Variants in NCAM2 observed in about 807,000 individuals in gnomAD.
NCAM2 encodes neural cell adhesion molecule 2.
Under a neutral mutation model 98.1 loss-of-function variants are expected in NCAM2, and 30 were observed. The observed-to-expected ratio is 0.31, with a 90% CI of 0.23 to 0.41. NCAM2 has a LOEUF of 0.41. Ranked by LOEUF, NCAM2 falls within the 10% of genes least tolerant of loss-of-function variation. NCAM2 has a pLI of 1.00. For missense variants in NCAM2, 867 were observed against 1,005.8 expected, an observed-to-expected ratio of 0.86 and a Z score of 1.87; for synonymous variants, 368 against 342.4, an observed-to-expected ratio of 1.07 and a Z score of -0.83.
intron 1 of NCAM2, among the ~76,000 whole-genome samples, chr21:21,215,498 C>T (rs886654824): frequency 3.9e-5 from 6 of 152,018 alleles, no homozygotes; most frequent in East Asian, 1.9e-4. Context: ...GTGGGCAAAT[C>T]TCTTGAGGTC....
chr21:21,495,934 T>G (rs953330885), intron 15 of NCAM2, among the ~76,000 whole-genome samples: 4 of 151,008 alleles, frequency 2.6e-5, no homozygotes, highest in African/African-American at 9.7e-5. Context: ...CACTGCATAT[T>G]AATTTCTAAA....
intron 1 of NCAM2, among the ~76,000 whole-genome samples, chr21:21,152,169 T>G (rs2067467973): frequency 6.6e-6 from 1 of 152,150 alleles, no homozygotes; most frequent in African/African-American, 2.4e-5. Context: ...GTTTGGATAA[T>G]TTTAATTGTG....
chr21:21,270,911 T>C (rs1231437613), intron 1 of NCAM2, among the ~76,000 whole-genome samples: 1 of 152,148 alleles, frequency 6.6e-6, no homozygotes, highest in Non-Finnish European at 1.5e-5. Context: ...TCTCTGCACT[T>C]TTTAAAACAG....
At chr21:21,386,582 T>G (rs565786135) in intron 9 of NCAM2, among the ~76,000 whole-genome samples, 4 of 152,300 alleles carry the variant, frequency 2.6e-5, no homozygotes, top group South Asian at 4.1e-4. Flanking sequence ...AGTCTTTTAT[T>G]GTTAAGCTGT....
At chr21:21,381,696 A>C in intron 9 of NCAM2, among the ~76,000 whole-genome samples, 1 of 152,266 alleles carries the variant, frequency 6.6e-6, no homozygotes, top group African/African-American at 2.4e-5. Context: ...ATTACATCTC[A>C]AATCATTAAA....
chr21:21,409,441 T>C (rs912971122), intron 9 of NCAM2, among the ~76,000 whole-genome samples: 3 of 152,196 alleles, frequency 2.0e-5, no homozygotes, highest in Non-Finnish European at 4.4e-5. Flanking sequence ...ATGGGAAATA[T>C]GGATACTTTA....
chr21:21,044,166 A>C (rs2064963808), intron 1 of NCAM2, among the ~76,000 whole-genome samples: 2 of 152,340 alleles, frequency 1.3e-5, no homozygotes, highest in Middle Eastern at 3.4e-3. Context: ...TATGTATTTC[A>C]TAGCTTTGAA....
chr21:21,220,237 G>T (rs2070089373), intron 1 of NCAM2, among the ~76,000 whole-genome samples: 1 of 152,090 alleles, frequency 6.6e-6, no homozygotes. Context: ...CATTCATTCA[G>T]TCACCCTCAG....
At chr21:21,088,936 A>C (rs2065957874) in intron 1 of NCAM2, among the ~76,000 whole-genome samples, 3 of 150,664 alleles carry the variant, frequency 2.0e-5, no homozygotes, top group Admixed American at 1.3e-4. Flanking sequence ...GCGCCACTGC[A>C]CTCCAGCCTG....
At chr21:21,307,316 C>G (rs7279496) in intron 5 of NCAM2, among the ~76,000 whole-genome samples, 1 of 152,152 alleles carries the variant, frequency 6.6e-6, no homozygotes, top group African/African-American at 2.4e-5. Context: ...TTTTCAAATG[C>G]TGTTGCACTA....
At chr21:21,329,603 A>G (rs963521709) in intron 6 of NCAM2, among the ~76,000 whole-genome samples, 1 of 152,142 alleles carries the variant, frequency 6.6e-6, no homozygotes, top group African/African-American at 2.4e-5. Flanking sequence ...TTTTATATTC[A>G]TGGTTATGAG....
chr21:21,522,632 C>CTTTTTTTTTTTTTTTTTTTTTTTTT (rs61635255), intron 16 of NCAM2, among the ~76,000 whole-genome samples: 3 of 124,748 alleles, frequency 2.4e-5, no homozygotes, highest in Admixed American at 1.8e-4. Context: ...TTTTCTTTTT[C>CTTTTTTTTTTTTTTTTTTTTTTTTT]TTTTTTTTTT....
At chr21:21,225,262 C>T (rs78139844) in intron 1 of NCAM2, among the ~76,000 whole-genome samples, 6 of 151,690 alleles carry the variant, frequency 4.0e-5, no homozygotes, top group Admixed American at 1.3e-4. Context: ...GTCAGGGGGT[C>T]GGGAGGGAGA....
At chr21:21,143,420 C>G (rs1205765846) in intron 1 of NCAM2, among the ~76,000 whole-genome samples, 1 of 152,030 alleles carries the variant, frequency 6.6e-6, no homozygotes, top group East Asian at 1.9e-4. Flanking sequence ...GTGTCCTTTG[C>G]CCTGTGAATT....
intron 8 of NCAM2, among the ~76,000 whole-genome samples, chr21:21,343,395 A>ACACACACACACAC (rs1568957074): frequency 1.2e-4 from 17 of 145,968 alleles, no homozygotes; most frequent in African/African-American, 3.9e-4. Flanking sequence ...ACACACACAC[A>ACACACACACACAC]ATCTTCATGA....
chr21:21,141,387 G>C (rs1365349671), intron 1 of NCAM2, among the ~76,000 whole-genome samples: 2 of 152,066 alleles, frequency 1.3e-5, no homozygotes, highest in Non-Finnish European at 2.9e-5. Context: ...AAATGGTTCT[G>C]TTTTAATGCC....
At chr21:21,449,603 T>A (rs773637278) in intron 12 of NCAM2, among the ~76,000 whole-genome samples, 1 of 151,996 alleles carries the variant, frequency 6.6e-6, no homozygotes. Context: ...TGCCAACATA[T>A]ACTATTGTAT....
chr21:21,024,857 A>G (rs2064510336), intron 1 of NCAM2, among the ~76,000 whole-genome samples: 2 of 151,980 alleles, frequency 1.3e-5, no homozygotes, highest in South Asian at 2.1e-4. Context: ...ACTTCACTCC[A>G]GCCTGGGCCA....
intron 6 of NCAM2, among the ~76,000 whole-genome samples, chr21:21,331,684 G>A (rs2074713030): frequency 7.3e-6 from 1 of 137,692 alleles, no homozygotes; most frequent in African/African-American, 2.8e-5. Context: ...CTACCTCCCT[G>A]GTTCAGGCAA....
Sources: allele counts gnomAD v4.1 joint callset (sites outside exome capture counted in the v4.1 genomes callset), GRCh38; gene constraint gnomAD v4.1.1; transcripts MANE v1.5; gene names NCBI Gene and HGNC (gene_info 2026-07-23, HGNC 2026-07-21).